The following MATR3 variants were observed in gnomAD, a reference collection of about 807,000 sequenced individuals.
MATR3 encodes matrin-3.
Under a neutral mutation model 85.5 loss-of-function variants are expected in MATR3, and 4 were observed. The ratio of observed to expected loss-of-function variants is 0.05; its 90% CI spans 0.02 to 0.11. MATR3 has a LOEUF of 0.11. Among genes scored for constraint, MATR3 ranks in the 10% least tolerant of loss-of-function variants. The pLI, the probability that MATR3 is intolerant of heterozygous loss-of-function variation, is 1.00. For synonymous variants in MATR3, 336 were observed against 343.1 expected (o/e 0.98, Z 0.23); for missense variants, 685 against 1,016.1 (o/e 0.67, Z 4.43).
rs34218388 is a variant in MATR3, at chr5:139,326,422, CT to C, written c.2493+154del. On this transcript the variant is annotated intron_variant, in intron 14 of 14. Transcript: ENST00000394805. ...TCTCCTGAAGATAACTTTTTATTTA[CT>C]TTTTTTTTTTTTTTTAAAGACAGTT... 0.14 allele frequency: 73,243 copies of C among 530,510 alleles called. No homozygotes were observed. The highest frequency in any genetic ancestry group is 0.19 in the South Asian group (7,637 of 39,256). 32.9% of individuals were successfully genotyped at this position (530,510 alleles called of 1,614,324 possible).
intron 14 of MATR3, 92 bp downstream of exon 14, chr5:139,326,376 T>C: frequency 7.9e-7 from 1 of 1,263,776 alleles, no homozygotes. Context: ...TAGTGTTCTC[T>C]CTAGACTCAG....
In MATR3 at chr5:139,308,241, A is replaced by G; in HGVS notation, c.826A>G (p.Ser276Gly). 1 of 1,614,122 alleles carries G rather than the reference A, an allele frequency of 6.2e-7. No individual in the cohort carries two copies. The highest frequency in any genetic ancestry group is 8.5e-7 in the Non-Finnish European group (1 of 1,179,992). Residue 276 changes from serine to glycine, a missense_variant, in exon 2 of 15, where the codon AGC (serine) becomes GGC (glycine). By Grantham distance (56) the Ser-to-Gly change is moderately conservative (BLOSUM62 0). Transcript: ENST00000394805. Reference sequence around the variant, plus strand: ...GAAAAAGAGAGGCGCTCCTCCAAGTAGCAATATTGAAGACTTCCATGGACT... The same window carrying G: ...GAAAAAGAGAGGCGCTCCTCCAAGTGGCAATATTGAAGACTTCCATGGACT... ...FEKKRGAPPS[S>G]NIEDFHGLLP...
intron 5 of MATR3, among the ~76,000 whole-genome samples, chr5:139,316,445 C>T (rs922217480): frequency 1.3e-5 from 2 of 152,028 alleles, no homozygotes; most frequent in African/African-American, 2.4e-5. Context: ...GGGGTTTCAC[C>T]GCGTTGGCCA....
intron 2 of MATR3, among the ~76,000 whole-genome samples, chr5:139,277,160 G>C (rs1209913117): frequency 6.8e-6 from 1 of 147,368 alleles, no homozygotes; most frequent in Non-Finnish European, 1.5e-5. Context: ...AATTTGTAGA[G>C]ACAAAGTCTC....
At chr5:139,302,008 T>A (rs776402631) in intron 1 of MATR3, among the ~76,000 whole-genome samples, 15 of 152,238 alleles carry the variant, frequency 9.9e-5, no homozygotes, top group Non-Finnish European at 1.9e-4. Flanking sequence ...TTAGATGGAT[T>A]AAGAACAGTG....
rs1176504714 is a variant in MATR3, at chr5:139,311,663, C to T, written c.913-3012C>T. 7 of 149,410 alleles carry T rather than the reference C, an allele frequency of 4.7e-5. No homozygotes were observed. In the East Asian group the frequency reaches 1.4e-3, roughly 29 times the overall value. 9.3% of individuals were successfully genotyped at this position (149,410 alleles called of 1,614,324 possible). ...TAGTAGGATAACATTTATTTCTCTC[C>T]CACAACTTAAGAATATTTTAAGTAA... is the stretch of plus-strand genomic sequence containing the variant. On this transcript the variant is annotated intron_variant, in intron 2 of 14. Coordinates refer to ENST00000394805, the MANE Select transcript of MATR3 (RefSeq NM_018834.6).
intron 1 of MATR3, among the ~76,000 whole-genome samples, chr5:139,301,226 AGGC>A (rs1754423735): frequency 6.6e-6 from 1 of 152,216 alleles, no homozygotes; most frequent in African/African-American, 2.4e-5. Flanking sequence ...ATTCACACGA[AGGC>A]TTTTGGGCCC....
At chr5:139,274,124 G>A (rs1340814840) in exon 1 of MATR3, 1 of 446,964 alleles carries the variant, frequency 2.2e-6, no homozygotes, top group Non-Finnish European at 4.5e-6. Context: ...GGCCTCTGCC[G>A]GTGCTGCTGC....
intron 3 of MATR3, among the ~76,000 whole-genome samples, chr5:139,282,303 T>C (rs946097731): frequency 6.6e-6 from 1 of 152,234 alleles, no homozygotes; most frequent in African/African-American, 2.4e-5. Flanking sequence ...AACATCTTTC[T>C]CCTTAATGCT....
intron 11 of MATR3, 34 bp from the exon 12 acceptor site, chr5:139,322,564 A>G (rs771253421): frequency 2.6e-6 from 4 of 1,564,668 alleles, no homozygotes; most frequent in Non-Finnish European, 3.5e-6. Flanking sequence ...TTTTCAGACA[A>G]CAAATTAATT....
At chr5:139,294,790 A>T (rs1299868553) in intron 1 of MATR3, 2 of 151,912 alleles carry the variant, frequency 1.3e-5, no homozygotes, top group African/African-American at 4.8e-5. Context: ...TTGCATTTCG[A>T]GCTCTGTGCC....
Position 139,318,890 on chromosome 5 carries a change from C to T in MATR3, c.1309-18C>T. 6.2e-7 allele frequency: 1 copy of T among 1,613,720 alleles called. No individual in the cohort carries two copies. Among genetic ancestry groups the T allele is most frequent in the East Asian group, 2.2e-5 (1 of 44,866 alleles). On this transcript the variant is annotated intron_variant, in intron 7 of 14. Transcript: ENST00000394805. ...CTGATTGGAAAAAACAGAGAAATAA[C>T]TTTTTGTATAATTTCAGGCATTTAT...
chr5:139,291,656 A>C (rs1581211015), upstream of MATR3, among the ~76,000 whole-genome samples: 1 of 151,934 alleles, frequency 6.6e-6, no homozygotes, highest in East Asian at 2.0e-4. Context: ...CTCCTGCCTC[A>C]GCCTCTCGAG....
chr5:139,325,136 T>C (rs1351978585), intron 12 of MATR3, among the ~76,000 whole-genome samples: 1 of 151,442 alleles, frequency 6.6e-6, no homozygotes, highest in Non-Finnish European at 1.5e-5. Context: ...GAGGTTGCAG[T>C]GAGCCGAGAT....
rs1754282098 is a variant in MATR3, at chr5:139,298,589, T to C, written c.-178+4784T>C. ...CTCAAAAAGAAAAGAAACACAAATATTTGAACTCCAAATATTCTTTGTGTG... is the reference window on the plus strand; with the variant it reads ...CTCAAAAAGAAAAGAAACACAAATACTTGAACTCCAAATATTCTTTGTGTG... On this transcript the variant is annotated intron_variant, in intron 1 of 14. Coordinates refer to ENST00000394805, the MANE Select transcript of MATR3 (RefSeq NM_018834.6). Among the ~76,000 whole-genome samples, 3 of 152,054 alleles carry C rather than the reference T, an allele frequency of 2.0e-5. No homozygotes were observed. The South Asian group carries it at 6.2e-4, about 32-fold the overall frequency.
At chr5:139,326,867 G>C (rs928363838) in intron 14 of MATR3, among the ~76,000 whole-genome samples, 4 of 152,184 alleles carry the variant, frequency 2.6e-5, no homozygotes, top group Admixed American at 6.5e-5. Flanking sequence ...TTCTCAGATT[G>C]TTGTTGGGCT....
At chr5:139,288,109 G>A (rs979891222) in intron 3 of MATR3, among the ~76,000 whole-genome samples, 1 of 152,050 alleles carries the variant, frequency 6.6e-6, no homozygotes, top group East Asian at 1.9e-4. Flanking sequence ...CCAGGTACTC[G>A]GAGGCTGAGG....
At chr5:139,301,342 C>A (rs567105724) in intron 1 of MATR3, among the ~76,000 whole-genome samples, 3 of 151,670 alleles carry the variant, frequency 2.0e-5, no homozygotes, top group Non-Finnish European at 4.4e-5. Flanking sequence ...TTATTTGAGA[C>A]AGAGTCTCAC....
intron 1 of MATR3, among the ~76,000 whole-genome samples, chr5:139,296,500 A>G (rs1490356386): frequency 6.6e-6 from 1 of 152,214 alleles, no homozygotes; most frequent in African/African-American, 2.4e-5. Context: ...AATGAGAGAA[A>G]AAAATGAAAA....
Sources: gnomAD v4.1 joint callset for allele counts (sites outside exome capture counted in the v4.1 genomes callset) on GRCh38, gnomAD v4.1.1 for gene constraint, MANE v1.5 for transcripts, NCBI Gene and HGNC (gene_info 2026-07-23, HGNC 2026-07-21) for gene names.